TMEM126B: variants seen among roughly 807,000 people sequenced by gnomAD.
TMEM126B encodes the protein complex I assembly factor TMEM126B, mitochondrial.
Under a neutral mutation model 16.5 loss-of-function variants are expected in TMEM126B, and 19 were observed. The observed-to-expected ratio is 1.15, with a 90% CI of 0.80 to 1.69. The LOEUF is 1.69. TMEM126B is among the 40% of genes most tolerant of loss of function. The pLI, the probability that TMEM126B is intolerant of heterozygous loss-of-function variation, is 0.00. For synonymous variants in TMEM126B, 104 were observed against 93.2 expected (o/e 1.12, Z -0.67); for missense variants, 293 against 278.7 (o/e 1.05, Z -0.37).
At chr11:85,634,714 T>C (rs1249004571) in intron 3 of TMEM126B, 1 of 154,048 alleles carries the variant, frequency 6.5e-6, no homozygotes, top group Non-Finnish European at 1.4e-5. Context: ...GTAGGTTAAA[T>C]GACTACCACA....
intron 4 of TMEM126B, 43 bp downstream of exon 4, chr11:85,635,821 C>CTTTTTTTTTTTTTTTCTTTTTTTTTT: frequency 1.2e-6 from 1 of 867,440 alleles, no homozygotes. Context: ...CTTTTCTTTT[C>CTTTTTTTTTTTTTTTCTTTTTTTTTT]TTTTTTTTTT....
rs1358245826 is a variant in TMEM126B at position 85,631,760 on chromosome 11, TG to T, written c.157del (p.Val53SerfsTer2). On this transcript the variant is annotated frameshift_variant, in exon 2 of 5. Transcript: ENST00000358867. LOFTEE classifies it high-confidence loss of function. ...SLEDAKLRRP[M>X]VIEIIEKNFD... ...GAAGATGCAAAACTCAGAAGACCAA[TG>T]GTCATAGAAATCATAGAAAAAAATT... 3.7e-6 allele frequency: 6 copies of T among 1,613,322 alleles called. No homozygotes were observed. Among genetic ancestry groups the T allele is most frequent in the African/African-American group, 1.3e-5 (1 of 74,868 alleles).
chr11:85,635,588 T>A, intron 3 of TMEM126B, 79 bp from the exon 4 acceptor site: 1 of 934,866 alleles, frequency 1.1e-6, no homozygotes, highest in Non-Finnish European at 1.7e-6. Flanking sequence ...ATAGTGCAGA[T>A]AACTACTCTG....
chr11:85,636,065 C>A lies in TMEM126B; in HGVS notation c.529C>A (p.Pro177Thr). 1.3e-6 allele frequency: 2 copies of A among 1,598,678 alleles called. No individual in the cohort carries two copies. The highest frequency in any genetic ancestry group is 1.7e-6 in the Non-Finnish European group (2 of 1,175,228). The change falls in exon 5 of 5, where the codon CCA becomes ACA. Residue 177 changes from proline (P) to threonine (T), a missense_variant. By Grantham distance (38) the Pro-to-Thr change is conservative. Transcript: ENST00000358867. Reference protein sequence around the residue: ...LATKYHTVPLPPKGRVLIHWM... With the variant: ...LATKYHTVPLTPKGRVLIHWM... The stretch of plus-strand genomic sequence containing the variant: ...TTTTAGGTATCATACCGTTCCACTG[C>A]CACCAAAAGGAAGGGTTTTAATCCA...
chr11:85,631,262 A>G (rs1408601548), intron 1 of TMEM126B: 1 of 1,282,010 alleles, frequency 7.8e-7, no homozygotes, highest in African/African-American at 1.5e-5. Context: ...GGACAACTAC[A>G]AAGAGCCTGA....
rs748400728 is a variant in TMEM126B, at chr11:85,635,816, C to CT, written c.509+42dup. ...TTTTCCTTCTTTTTTCTTTTCTTTT[C>CT]TTTTCTTTTTTTTTTTTTTTTTTAG... is the stretch of plus-strand genomic sequence containing the variant. On this transcript the variant is annotated intron_variant, in intron 4 of 4. Transcript: ENST00000358867. 1.7e-5 allele frequency: 17 copies of CT among 1,020,032 alleles called. No homozygotes were observed. In the South Asian group the frequency reaches 2.0e-4, roughly 12 times the overall value. The allele number at this position is 1,020,032 out of a possible 1,614,324, so 63.2% of individuals were successfully genotyped here. A position where few individuals can be genotyped will look rare whatever the true frequency, so the allele number is the denominator to read the frequency against.
chr11:85,629,102 C>A, intron 1 of TMEM126B: 2 of 676,668 alleles, frequency 3.0e-6, no homozygotes, highest in Non-Finnish European at 4.7e-6. Context: ...TCGTTTATGT[C>A]ACTCTCTCAT....
chr11:85,631,590 C>T lies in TMEM126B; in HGVS notation c.82-97C>T. ...ACACAGTACCTGGCACACTACTAAA[C>T]TGTAAATGTTTTCAAATCTGAATCT... On this transcript the variant is annotated intron_variant, in intron 1 of 4. Transcript: ENST00000358867. The T allele has an allele frequency of 3.6e-6, 5 of 1,390,376 alleles. No individual in the cohort carries two copies. In the South Asian group the frequency reaches 5.4e-5, roughly 15 times the overall value. The allele number at this position is 1,390,376 out of a possible 1,614,324, so 86.1% of individuals were successfully genotyped here.
intron 1 of TMEM126B, 115 bp from the exon 2 acceptor site, chr11:85,631,572 A>G (rs2082297288): frequency 8.3e-7 from 1 of 1,197,956 alleles, no homozygotes; most frequent in East Asian, 2.6e-5. Flanking sequence ...ACGACACAGT[A>G]CCTGGCACAC....
At chr11:85,633,830 T>G (rs1406236383) in intron 2 of TMEM126B, among the ~76,000 whole-genome samples, 1 of 152,198 alleles carries the variant, frequency 6.6e-6, no homozygotes, top group African/African-American at 2.4e-5. Flanking sequence ...GAGCTCTATT[T>G]TAGAATTACT....
intron 4 of TMEM126B, 36 bp downstream of exon 4, chr11:85,635,814 T>A: frequency 1.4e-6 from 2 of 1,422,474 alleles, no homozygotes; most frequent in Non-Finnish European, 1.9e-6. Flanking sequence ...TTCTTTTCTT[T>A]TCTTTTCTTT....
rs2082139928 is a variant in TMEM126B at position 85,628,620 on chromosome 11, G to C, written c.13G>C (p.Gly5Arg). MVVF[G>R]YEAGTKPRDS... ...ATGAGCCACCAAAATGGTGGTGTTC[G>C]GGTATGAGGCTGGGACTAAGCCAAG... Residue 5 changes from glycine (G) to arginine (R), a missense_variant, in exon 1 of 5, where the codon GGG becomes CGG. By Grantham distance (125) the Gly-to-Arg change is moderately radical. Transcript: ENST00000358867. The C allele has an allele frequency of 2.0e-6, 3 of 1,536,126 alleles. No homozygotes were observed. The highest frequency in any genetic ancestry group is 2.6e-6 in the Non-Finnish European group (3 of 1,146,888).
Position 85,634,041 on chromosome 11 carries a change from A to G in TMEM126B, c.204-45A>G, listed in dbSNP as rs771903136. ...CTTTTCAGGAGAGGCTGTATCCATT[A>G]AGTTCAATGGTATAGTGAACTGAAT... On this transcript the variant is annotated intron_variant, in intron 2 of 4. Coordinates refer to ENST00000358867, the MANE Select transcript of TMEM126B (RefSeq NM_018480.7). 3.7e-6 allele frequency: 5 copies of G among 1,364,980 alleles called. No individual in the cohort carries two copies. In the Admixed American group the frequency reaches 9.4e-5, roughly 26 times the overall value. The allele number at this position is 1,364,980 out of a possible 1,614,324, so 84.6% of individuals were successfully genotyped here. A position where few individuals can be genotyped will look rare whatever the true frequency, so the allele number is the denominator to read the frequency against.
At chr11:85,629,171 A>T in intron 1 of TMEM126B, 1 of 1,247,194 alleles carries the variant, frequency 8.0e-7, no homozygotes, top group Non-Finnish European at 1.1e-6. Flanking sequence ...TGGATTCCTG[A>T]GGATGGGATG....
chr11:85,629,465 T>C lies in TMEM126B; in HGVS notation c.81+777T>C, dbSNP rs542902866. Among the ~76,000 whole-genome samples, 52 of 152,328 alleles carry C rather than the reference T, an allele frequency of 3.4e-4. 1 individual carries two copies. The South Asian group carries it at 6.0e-3, about 18-fold the overall frequency. Reference sequence around the variant, plus strand: ...AGTCTTTGACAGTGCCTTGCAAAGCTTAAGCACTCAAATATTTCCTGTGTT... The same window carrying C: ...AGTCTTTGACAGTGCCTTGCAAAGCCTAAGCACTCAAATATTTCCTGTGTT... On this transcript the variant is annotated intron_variant, in intron 1 of 4. Transcript: ENST00000358867.
rs781320284 is a variant in TMEM126B at position 85,636,126 on chromosome 11, T to TGGC, written c.592_594dup (p.Ala198dup). On this transcript the variant is annotated inframe_insertion, in exon 5 of 5. Transcript: ENST00000358867. Reference sequence around the variant, plus strand: ...CTTTGTCAAACACAAATGAAATTAATGGCGATTCCTCTAGTCTTTCAGATT... The same window carrying TGGC: ...CTTTGTCAAACACAAATGAAATTAATGGCGGCGATTCCTCTAGTCTTTCAGATT... 3 of 1,612,932 alleles carry TGGC rather than the reference T, an allele frequency of 1.9e-6. No individual in the cohort carries two copies. In the Admixed American group the frequency reaches 5.0e-5, roughly 27 times the overall value.
chr11:85,635,822 T>C, intron 4 of TMEM126B, 44 bp downstream of exon 4: 1 of 198,738 alleles, frequency 5.0e-6, no homozygotes, highest in Non-Finnish European at 8.3e-6. Context: ...TTTTCTTTTC[T>C]TTTTTTTTTT....
In TMEM126B at chr11:85,628,702, C is replaced by T. The variant is rs1442767654; in HGVS notation, c.81+14C>T. On this transcript the variant is annotated intron_variant, in intron 1 of 4. Transcript: ENST00000358867. ...GAAGCGCCCAAGGTAGGCGGAAATC[C>T]GAAGTGGTATGGGGGGTGATTTCTG... is the stretch of plus-strand genomic sequence containing the variant. The T allele has an allele frequency of 3.3e-6, 5 of 1,527,050 alleles. No homozygotes were observed. The highest frequency in any genetic ancestry group is 3.5e-6 in the Non-Finnish European group (4 of 1,146,182). The allele number at this position is 1,527,050 out of a possible 1,614,324, so 94.6% of individuals were successfully genotyped here.
Position 85,635,665 on chromosome 11 carries a change from A to G in TMEM126B, c.398-2A>G. The G allele has an allele frequency of 6.3e-7, 1 of 1,599,686 alleles. No homozygotes were observed. The highest frequency in any genetic ancestry group is 8.5e-7 in the Non-Finnish European group (1 of 1,175,240). On this transcript the variant is annotated splice_acceptor_variant, in intron 3 of 4. Transcript: ENST00000358867. LOFTEE classifies it high-confidence loss of function. ...AAAACCAAATTTACTTTTGTTTTCC[A>G]GATAATATAAGCAAGGAAAACTGTG...
Sources: gnomAD v4.1 joint callset for allele counts (sites outside exome capture counted in the v4.1 genomes callset) on GRCh38, gnomAD v4.1.1 for gene constraint, MANE v1.5 for transcripts, NCBI Gene and HGNC (gene_info 2026-07-23, HGNC 2026-07-21) for gene names.